Variants in ERC2 observed in about 807,000 individuals in gnomAD.
The protein encoded by ERC2 is ERC protein 2.
ERC2 carries 42 observed loss-of-function variants against 114.8 expected under a neutral mutation model. The ratio of observed to expected loss-of-function variants is 0.37; its 90% CI spans 0.29 to 0.47. ERC2 has a LOEUF of 0.47. Among genes scored for constraint, ERC2 ranks in the 20% least tolerant of loss-of-function variants. The pLI is 0.99. For synonymous variants in ERC2, 454 were observed against 425.5 expected (o/e 1.07, Z -0.82); for missense variants, 939 against 1,150.7 (o/e 0.82, Z 2.66).
intron 2 of ERC2, among the ~76,000 whole-genome samples, chr3:56,412,957 T>C (rs1246194387): frequency 1.3e-5 from 2 of 152,246 alleles, no homozygotes; most frequent in Non-Finnish European, 2.9e-5. Flanking sequence ...TGACAAATGC[T>C]ATTAACTAAT....
At chr3:56,300,394 T>C (rs1170485298) in intron 2 of ERC2, among the ~76,000 whole-genome samples, 2 of 151,608 alleles carry the variant, frequency 1.3e-5, no homozygotes, top group Non-Finnish European at 2.9e-5. Flanking sequence ...ATAGAAGTCA[T>C]AACCAGGTGG....
intron 6 of ERC2, among the ~76,000 whole-genome samples, chr3:56,121,595 T>TA (rs2079580659): frequency 6.6e-6 from 1 of 152,200 alleles, no homozygotes; most frequent in South Asian, 2.1e-4. Context: ...TCTGTGCAGT[T>TA]AAATATTTTT....
intron 17 of ERC2, among the ~76,000 whole-genome samples, chr3:55,666,930 A>T (rs370116049): frequency 3.0e-4 from 2 of 6,776 alleles, no homozygotes; most frequent in Admixed American, 4.4e-3. Flanking sequence ...ACGCCTATTA[A>T]TATACATAAT....
chr3:55,939,250 G>A (rs901616508), intron 13 of ERC2, among the ~76,000 whole-genome samples: 3 of 152,192 alleles, frequency 2.0e-5, no homozygotes, highest in African/African-American at 4.8e-5. Context: ...AAGTATCACC[G>A]CAGAATTTGA....
At chr3:55,670,385 G>C (rs1396996563) in intron 17 of ERC2, among the ~76,000 whole-genome samples, 1 of 152,226 alleles carries the variant, frequency 6.6e-6, no homozygotes, top group African/African-American at 2.4e-5. Flanking sequence ...AAAATGGACA[G>C]AGCCCTTGTT....
At chr3:56,237,028 T>C (rs937852415) in intron 3 of ERC2, among the ~76,000 whole-genome samples, 2 of 152,196 alleles carry the variant, frequency 1.3e-5, no homozygotes, top group African/African-American at 4.8e-5. Context: ...CTGCAGAATT[T>C]GAGGCAAAAA....
intron 2 of ERC2, among the ~76,000 whole-genome samples, chr3:56,362,269 G>A (rs1210818428): frequency 1.3e-5 from 2 of 152,222 alleles, no homozygotes; most frequent in Non-Finnish European, 2.9e-5. Flanking sequence ...AGGTTCCTCA[G>A]AGATCATTTT....
chr3:56,418,252 T>A (rs576409730), intron 2 of ERC2, among the ~76,000 whole-genome samples: 101 of 148,864 alleles, frequency 6.8e-4, no homozygotes, highest in African/African-American at 2.4e-3. Flanking sequence ...AAGCTATGAT[T>A]GCCACTGCAC....
At chr3:56,083,829 A>AG (rs1276620154) in intron 6 of ERC2, among the ~76,000 whole-genome samples, 2 of 152,110 alleles carry the variant, frequency 1.3e-5, no homozygotes, top group Non-Finnish European at 2.9e-5. Context: ...ACCAGCAATC[A>AG]GGAAGTAGAG....
intron 3 of ERC2, among the ~76,000 whole-genome samples, chr3:56,274,287 C>T (rs1366410406): frequency 1.3e-5 from 2 of 152,168 alleles, no homozygotes; most frequent in Admixed American, 6.5e-5. Flanking sequence ...GAAACAGCTT[C>T]ATCTTGAAAC....
intron 17 of ERC2, among the ~76,000 whole-genome samples, chr3:55,682,100 C>T (rs2062084206): frequency 6.6e-6 from 1 of 152,204 alleles, no homozygotes; most frequent in Non-Finnish European, 1.5e-5. Context: ...CTTTTTAACG[C>T]TATAAAACGC....
At chr3:56,073,339 G>A (rs1401406416) in intron 7 of ERC2, among the ~76,000 whole-genome samples, 1 of 152,178 alleles carries the variant, frequency 6.6e-6, no homozygotes, top group Admixed American at 6.5e-5. Context: ...GGGGGCAGAG[G>A]TGTCCTCTGC....
At chr3:56,151,835 G>GA (rs765816830) in intron 4 of ERC2, among the ~76,000 whole-genome samples, 2 of 151,680 alleles carry the variant, frequency 1.3e-5, no homozygotes, top group Non-Finnish European at 2.9e-5. Flanking sequence ...CTGGAATAGA[G>GA]AAAAAAAATA....
At chr3:55,527,251 A>G (rs2053385378) in intron 17 of ERC2, among the ~76,000 whole-genome samples, 1 of 152,246 alleles carries the variant, frequency 6.6e-6, no homozygotes, top group Admixed American at 6.5e-5. Context: ...AGACGGAGAT[A>G]GTAAAAATAT....
At chr3:56,316,634 A>G (rs774919020) in intron 2 of ERC2, among the ~76,000 whole-genome samples, 5 of 152,206 alleles carry the variant, frequency 3.3e-5, no homozygotes, top group Non-Finnish European at 5.9e-5. Flanking sequence ...ACACACATAT[A>G]TACAGTAAAT....
chr3:55,946,322 A>T (rs372177997), intron 13 of ERC2, among the ~76,000 whole-genome samples: 2 of 152,342 alleles, frequency 1.3e-5, no homozygotes, highest in Admixed American at 6.5e-5. Context: ...ACAATTCAAC[A>T]TTAACTTGAA....
chr3:55,968,937 A>G (rs2068952240), intron 12 of ERC2, among the ~76,000 whole-genome samples: 1 of 152,122 alleles, frequency 6.6e-6, no homozygotes, highest in South Asian at 2.1e-4. Flanking sequence ...CCCTTGCTAC[A>G]TAAAGGGGTC....
intron 3 of ERC2, among the ~76,000 whole-genome samples, chr3:56,274,260 G>C (rs868679454): frequency 6.6e-6 from 1 of 152,176 alleles, no homozygotes; most frequent in Non-Finnish European, 1.5e-5. Context: ...TCTAGGTAAT[G>C]CCTGATGATC....
At chr3:55,887,609 G>C (rs2063408891) in intron 14 of ERC2, among the ~76,000 whole-genome samples, 1 of 152,170 alleles carries the variant, frequency 6.6e-6, no homozygotes. Context: ...CAGACCTATT[G>C]CAATTGATAT....
Sources: gnomAD v4.1 joint callset for allele counts (sites outside exome capture counted in the v4.1 genomes callset) on GRCh38, gnomAD v4.1.1 for gene constraint, MANE v1.5 for transcripts, NCBI Gene and HGNC (gene_info 2026-07-23, HGNC 2026-07-21) for gene names.